NMU: variants seen among roughly 807,000 people sequenced by gnomAD.
The protein encoded by NMU is neuromedin U.
In NMU, 29 loss-of-function variants were observed where a neutral mutation model predicts 35.4. The observed-to-expected ratio is 0.82, with a 90% CI of 0.61 to 1.12. The LOEUF is 1.12. Among genes scored for constraint, NMU ranks in the 50% most tolerant of loss-of-function variants. The pLI is 0.00. For missense variants in NMU, 199 were observed against 206.2 expected, an observed-to-expected ratio of 0.97 and a Z score of 0.21; for synonymous variants, 78 against 81.3, an observed-to-expected ratio of 0.96 and a Z score of 0.22.
Position 55,616,320 on chromosome 4 carries a change from A to G in NMU, c.219+18T>C, listed in dbSNP as rs745596050. 3 of 1,592,496 alleles carry G rather than the reference A, an allele frequency of 1.9e-6. No individual in the cohort carries two copies. Among genetic ancestry groups the G allele is most frequent in the South Asian group, 1.1e-5 (1 of 90,610 alleles). On this transcript the variant is annotated intron_variant, in intron 3 of 9. Transcript: ENST00000264218. ...ACAAACACCTACATTATTACAAAAT[A>G]TCTTCAATTGGAATTACCTGAGGCT...
intron 7 of NMU, among the ~76,000 whole-genome samples, chr4:55,602,385 T>G (rs529826998): frequency 9.2e-5 from 14 of 152,230 alleles, no homozygotes; most frequent in African/African-American, 1.4e-4. Context: ...TTTTACATTA[T>G]TTTCTTTCAT....
intron 1 of NMU, among the ~76,000 whole-genome samples, chr4:55,635,350 C>G (rs765907787): frequency 6.6e-6 from 1 of 152,232 alleles, no homozygotes; most frequent in Non-Finnish European, 1.5e-5. Flanking sequence ...TTTCTTCCCT[C>G]TAAGCCAAGC....
rs1491097740 is a variant in NMU at position 55,598,088 on chromosome 4, GGT to G, written c.*4+1052_*4+1053del. Among the ~76,000 whole-genome samples, 3 of 89,044 alleles carry G rather than the reference GGT, an allele frequency of 3.4e-5. No homozygotes were observed. In the East Asian group the frequency reaches 1.0e-3, roughly 30 times the overall value. The allele number at this position is 89,044 out of a possible 152,430, so 58.4% of individuals were successfully genotyped here. A position where few individuals can be genotyped will look rare whatever the true frequency, so the allele number is the denominator to read the frequency against. On this transcript the variant is annotated intron_variant, in intron 9 of 9. Transcript: ENST00000264218. ...ACTTTGTTGTTGTTGTTTTGGTTGT[GGT>G]TTTTTTTTTTTTTTTTTTTTGTGAG... is the stretch of plus-strand genomic sequence containing the variant.
rs1322338135 is a variant in NMU at position 55,614,361 on chromosome 4, G to T, written c.219+1977C>A. 4.6e-5 allele frequency among the ~76,000 whole-genome samples: 7 copies of T among 152,160 alleles called. No homozygotes were observed. The South Asian group carries it at 6.2e-4, about 14-fold the overall frequency. On this transcript the variant is annotated intron_variant, in intron 3 of 9. Coordinates refer to ENST00000264218, the MANE Select transcript of NMU (RefSeq NM_006681.4). ...AAACTAATGAATGGGCCAAAAAAAAGGGATGATATAATGATATTTGTTACA... is the reference window on the plus strand; with the variant it reads ...AAACTAATGAATGGGCCAAAAAAAATGGATGATATAATGATATTTGTTACA...
chr4:55,616,380 A>T lies in NMU; in HGVS notation c.177T>A (p.Asp59Glu). ...EQQLQLWNEI[D>E]DTCSSFLSID... Reference sequence around the variant, plus strand: ...TGGACAGAAAAGACGAACAAGTATCATCTATCTGTAGAAAACAAAAATGTC... The same window carrying T: ...TGGACAGAAAAGACGAACAAGTATCTTCTATCTGTAGAAAACAAAAATGTC... The change falls in exon 3 of 10, where the codon GAT (aspartate) becomes GAA (glutamate). Residue 59 changes from aspartate to glutamate, a missense_variant. Asp to Glu is a conservative substitution (Grantham distance 45, BLOSUM62 2). Coordinates refer to ENST00000264218, the MANE Select transcript of NMU (RefSeq NM_006681.4). 3 of 1,611,066 alleles carry T rather than the reference A, an allele frequency of 1.9e-6. No homozygotes were observed. The highest frequency in any genetic ancestry group is 1.3e-5 in the African/African-American group (1 of 75,030).
chr4:55,618,843 CTCTT>C (rs1451107017), intron 2 of NMU, among the ~76,000 whole-genome samples: 5 of 146,398 alleles, frequency 3.4e-5, no homozygotes, highest in East Asian at 4.0e-4. Flanking sequence ...TCTTTTCTCT[CTCTT>C]TCTTTCTTCT....
chr4:55,596,144 A>G (rs893236050), intron 9 of NMU, among the ~76,000 whole-genome samples: 37 of 152,244 alleles, frequency 2.4e-4, no homozygotes, highest in African/African-American at 8.9e-4. Context: ...TATATTTGCA[A>G]CTAAATCATT....
intron 8 of NMU, 127 bp downstream of exon 8, chr4:55,600,395 T>C: frequency 1.5e-6 from 1 of 677,752 alleles, no homozygotes; most frequent in Non-Finnish European, 2.6e-6. Flanking sequence ...AATGTCAGAC[T>C]GTAACACCTG....
intron 7 of NMU, among the ~76,000 whole-genome samples, chr4:55,603,569 A>G (rs1044520388): frequency 1.3e-5 from 2 of 152,012 alleles, no homozygotes; most frequent in Non-Finnish European, 2.9e-5. Flanking sequence ...ATGAGATAAT[A>G]TAAGACTGAA....
chr4:55,630,994 G>A (rs928561900), intron 1 of NMU, among the ~76,000 whole-genome samples: 5 of 151,950 alleles, frequency 3.3e-5, no homozygotes, highest in African/African-American at 4.8e-5. Context: ...TTAGACTAAC[G>A]GAAAAGAATA....
At chr4:55,599,272 A>G in intron 8 of NMU, 91 bp from the exon 9 acceptor site, 1 of 1,006,570 alleles carries the variant, frequency 9.9e-7, no homozygotes, top group Non-Finnish European at 1.6e-6. Flanking sequence ...AGGAGTGTTT[A>G]ACGTGCATCA....
At chr4:55,634,902 C>CA (rs71891523) in intron 1 of NMU, among the ~76,000 whole-genome samples, 11,933 of 151,898 alleles carry the variant, frequency 0.079, 524 homozygotes, top group African/African-American at 0.1. Context: ...ACACACACAC[C>CA]CCCCTCCAAT....
At position 55,600,481 on chromosome 4, in the gene NMU, T is replaced by G. The variant is rs759988073; in HGVS notation, c.489+41A>C. The G allele has an allele frequency of 1.1e-4, 136 of 1,271,148 alleles. 1 individual carries two copies. The South Asian group carries it at 1.6e-3, about 15-fold the overall frequency. The allele number at this position is 1,271,148 out of a possible 1,614,324, so 78.7% of individuals were successfully genotyped here. On this transcript the variant is annotated intron_variant, in intron 8 of 9. Coordinates refer to ENST00000264218, the MANE Select transcript of NMU (RefSeq NM_006681.4). ...TACACAGGGAACATATTTTTAAATT[T>G]TGGTGTAGATTGATTTTTTAAAAAT...
intron 3 of NMU, among the ~76,000 whole-genome samples, chr4:55,611,603 T>C (rs1693883622): frequency 6.6e-6 from 1 of 152,228 alleles, no homozygotes; most frequent in Non-Finnish European, 1.5e-5. Context: ...GAGTGCCCTA[T>C]ACAAGTGTAT....
intron 7 of NMU, among the ~76,000 whole-genome samples, chr4:55,604,027 A>ATATATATGTATAT (rs1733567304): frequency 3.4e-5 from 1 of 29,006 alleles, no homozygotes; most frequent in African/African-American, 1.0e-4. Context: ...GTATATATAT[A>ATATATATGTATAT]ATCCTAGAAA....
At position 55,636,265 on chromosome 4, in the gene NMU, C is replaced by G; in HGVS notation, c.-73G>C. On this transcript the variant is annotated 5_prime_UTR_variant, in exon 1 of 10. Coordinates refer to ENST00000264218, the MANE Select transcript of NMU (RefSeq NM_006681.4). The surrounding 1 kb of genome is among the most constrained non-coding windows in gnomAD (Gnocchi z 4.0). The stretch of plus-strand genomic sequence containing the variant: ...CGCGTAGCTGGTGCTCCACCTGGTG[C>G]CCTGGCTGTGCCTCGGGGCCCGGAC... 1 of 1,404,402 alleles carries G rather than the reference C, an allele frequency of 7.1e-7. No individual in the cohort carries two copies. The highest frequency in any genetic ancestry group is 9.2e-7 in the Non-Finnish European group (1 of 1,089,450). 87.0% of individuals were successfully genotyped at this position (1,404,402 alleles called of 1,614,324 possible). A position where few individuals can be genotyped will look rare whatever the true frequency, so the allele number is the denominator to read the frequency against.
intron 2 of NMU, among the ~76,000 whole-genome samples, chr4:55,618,801 CCTTTT>C (rs1241552885): frequency 6.9e-6 from 1 of 145,048 alleles, no homozygotes; most frequent in Non-Finnish European, 1.5e-5. Context: ...TTCTTCTCTT[CCTTTT>C]CTTCTCTTTC....
chr4:55,614,420 G>A (rs565709728), intron 3 of NMU, among the ~76,000 whole-genome samples: 39 of 152,106 alleles, frequency 2.6e-4, no homozygotes, highest in African/African-American at 8.9e-4. Context: ...GTTTGCTACT[G>A]GGTCTTATTA....
At chr4:55,618,764 C>T (rs938408483) in intron 2 of NMU, among the ~76,000 whole-genome samples, 4 of 126,440 alleles carry the variant, frequency 3.2e-5, no homozygotes, top group Admixed American at 8.7e-5. Flanking sequence ...TTTCTTCTCT[C>T]TCTTTCTTCT....
Sources: allele counts gnomAD v4.1 joint callset (sites outside exome capture counted in the v4.1 genomes callset), GRCh38; gene constraint gnomAD v4.1.1; non-coding constraint Gnocchi (gnomAD v3.1); transcripts MANE v1.5; gene names NCBI Gene and HGNC (gene_info 2026-07-23, HGNC 2026-07-21).